The following XPO6 variants were observed in gnomAD, a reference collection of about 807,000 sequenced individuals.
XPO6 encodes exportin 6.
XPO6 carries 3 observed loss-of-function variants against 130.0 expected under a neutral mutation model. The observed-to-expected ratio is 0.02, with a 90% CI of 0.01 to 0.06. The LOEUF (loss-of-function observed/expected upper bound fraction) is 0.06, where lower values mean the gene tolerates loss of function less well. XPO6 is among the 10% of genes least tolerant of loss of function. XPO6 has a pLI of 1.00. For synonymous variants in XPO6, 524 were observed against 548.9 expected (o/e 0.95, Z 0.63); for missense variants, 970 against 1,393.0 (o/e 0.70, Z 4.83).
At chr16:28,147,922 G>A (rs1254832665) in intron 8 of XPO6, among the ~76,000 whole-genome samples, 2 of 152,158 alleles carry the variant, frequency 1.3e-5, no homozygotes, top group East Asian at 1.9e-4. Flanking sequence ...CTCCAGCCTG[G>A]ACAACAGAGC....
chr16:28,197,283 T>C (rs1172295531), intron 1 of XPO6, among the ~76,000 whole-genome samples: 1 of 152,178 alleles, frequency 6.6e-6, no homozygotes. Flanking sequence ...TACTACAGCT[T>C]TTTGAAAAGT....
intron 20 of XPO6, among the ~76,000 whole-genome samples, chr16:28,105,020 A>T (rs1288194545): frequency 6.6e-6 from 1 of 152,264 alleles, no homozygotes; most frequent in Non-Finnish European, 1.5e-5. Context: ...CTCAGCTTTT[A>T]CACTAGAAAA....
Position 28,211,459 on chromosome 16 carries a change from T to G in XPO6, c.-91A>C. ...AGTTCAGGTCATGGTCCCGGCAGACTCGGGAAGTCCCCCACCCATGCAAAG... is the reference window on the plus strand; with the variant it reads ...AGTTCAGGTCATGGTCCCGGCAGACGCGGGAAGTCCCCCACCCATGCAAAG... On this transcript the variant is annotated 5_prime_UTR_variant, in exon 1 of 24. Coordinates refer to ENST00000304658, the MANE Select transcript of XPO6 (RefSeq NM_015171.4). 3 of 1,281,476 alleles carry G rather than the reference T, an allele frequency of 2.3e-6. No homozygotes were observed. The highest frequency in any genetic ancestry group is 3.0e-6 in the Non-Finnish European group (3 of 1,001,300). 79.4% of individuals were successfully genotyped at this position (1,281,476 alleles called of 1,614,324 possible).
chr16:28,206,588 C>T (rs1313181133), intron 1 of XPO6, among the ~76,000 whole-genome samples: 1 of 152,066 alleles, frequency 6.6e-6, no homozygotes, highest in Non-Finnish European at 1.5e-5. Flanking sequence ...AAACCAATAA[C>T]AAAAACTCTG....
chr16:28,211,513 G>A lies in XPO6; in HGVS notation c.-145C>T. 1 of 1,019,960 alleles carries A rather than the reference G, an allele frequency of 9.8e-7. No individual in the cohort carries two copies. Among genetic ancestry groups the A allele is most frequent in the Non-Finnish European group, 1.3e-6 (1 of 779,388 alleles). The allele number at this position is 1,019,960 out of a possible 1,614,324, so 63.2% of individuals were successfully genotyped here. A position where few individuals can be genotyped will look rare whatever the true frequency, so the allele number is the denominator to read the frequency against. Reference sequence around the variant, plus strand: ...ACCCCTTCCCCACCGGGCCCCGAGGGGACCCTCTAAAAAGGGCAGGGCCGC... The same window carrying A: ...ACCCCTTCCCCACCGGGCCCCGAGGAGACCCTCTAAAAAGGGCAGGGCCGC... On this transcript the variant is annotated 5_prime_UTR_variant, in exon 1 of 24. Coordinates refer to ENST00000304658, the MANE Select transcript of XPO6 (RefSeq NM_015171.4).
chr16:28,177,112 G>A (rs1414887274), intron 3 of XPO6, 108 bp downstream of exon 3: 7 of 608,180 alleles, frequency 1.2e-5, no homozygotes, highest in Non-Finnish European at 1.6e-5. Context: ...ACATCCCAGA[G>A]CTGAGCTACC....
At chr16:28,176,579 G>C (rs2043537522) in intron 3 of XPO6, among the ~76,000 whole-genome samples, 1 of 151,442 alleles carries the variant, frequency 6.6e-6, no homozygotes, top group Non-Finnish European at 1.5e-5. Context: ...CTCACTGCAA[G>C]CTCCGCCTCC....
At position 28,106,079 on chromosome 16, in the gene XPO6, G is replaced by A; in HGVS notation, c.2748C>T (p.Ala916=). 2.5e-6 allele frequency: 4 copies of A among 1,614,174 alleles called. No homozygotes were observed. The highest frequency in any genetic ancestry group is 2.5e-6 in the Non-Finnish European group (3 of 1,180,006). The change falls in exon 20 of 24, where the codon GCC becomes GCT. Residue 916 remains alanine, a synonymous_variant. Transcript: ENST00000304658. The surrounding 1 kb of genome is among the most constrained non-coding windows in gnomAD (Gnocchi z 4.2). ...VFKPFLPSII[A]LCMEQVYPII... ...TGGGATACACTTGCTCCATGCACAG[G>A]GCGATGATGCTGGGGAGGAAGGGCT...
At chr16:28,202,190 C>T (rs930306290) in intron 1 of XPO6, among the ~76,000 whole-genome samples, 1 of 152,148 alleles carries the variant, frequency 6.6e-6, no homozygotes, top group Non-Finnish European at 1.5e-5. Context: ...ATAGATACTC[C>T]AAATAAATCA....
chr16:28,112,788 G>T, intron 16 of XPO6, 116 bp downstream of exon 16: 1 of 1,337,632 alleles, frequency 7.5e-7, no homozygotes, highest in Non-Finnish European at 1.0e-6. Context: ...ATCTGTCTAT[G>T]CTGGTACAGC....
At position 28,133,898 on chromosome 16, in the gene XPO6, G is replaced by A; in HGVS notation, c.1479C>T (p.Ser493=). ...CCATCACTTTGGCCACCACCTCCAA[G>A]CTCTGCCGTAAGTACCGCTGCCACT... ...QTEWQRYLRQ[S]LEVVAKVMEL... The change falls in exon 11 of 24, where the codon AGC becomes AGT. Residue 493 remains serine (S), a synonymous_variant. Transcript: ENST00000304658. 6.2e-7 allele frequency: 1 copy of A among 1,614,080 alleles called. No individual in the cohort carries two copies. Among genetic ancestry groups the A allele is most frequent in the Non-Finnish European group, 8.5e-7 (1 of 1,180,014 alleles).
At chr16:28,121,241 G>A (rs1238723453) in intron 14 of XPO6, among the ~76,000 whole-genome samples, 2 of 152,196 alleles carry the variant, frequency 1.3e-5, no homozygotes, top group Non-Finnish European at 2.9e-5. Context: ...TCTGAGAAAT[G>A]TGTTCCCCAA....
chr16:28,112,901 C>T lies in XPO6; in HGVS notation c.2151+3G>A. The T allele has an allele frequency of 6.2e-7, 1 of 1,612,816 alleles. No homozygotes were observed. The highest frequency in any genetic ancestry group is 1.3e-5 in the African/African-American group (1 of 75,054). ...GGACCCCGGGGGAGCTCTGGGGCCTCACCTTATCGACAAGTCGCAGGGCAG... is the reference window on the plus strand; with the variant it reads ...GGACCCCGGGGGAGCTCTGGGGCCTTACCTTATCGACAAGTCGCAGGGCAG... On this transcript the variant is annotated splice_donor_region_variant and intron_variant, in intron 16 of 23. Transcript: ENST00000304658.
intron 1 of XPO6, among the ~76,000 whole-genome samples, chr16:28,191,867 A>C (rs770863015): frequency 1.3e-5 from 2 of 152,238 alleles, no homozygotes; most frequent in Non-Finnish European, 2.9e-5. Context: ...GAGTAATTTC[A>C]TTTCAGCTGC....
chr16:28,105,080 C>T (rs8048569), intron 20 of XPO6, among the ~76,000 whole-genome samples: 8,176 of 152,272 alleles, frequency 0.054, 563 homozygotes, highest in East Asian at 0.17. Flanking sequence ...CTGTTCTATT[C>T]GACCTGTCAG....
chr16:28,177,229 T>A lies in XPO6; in HGVS notation c.198A>T (p.Thr66=), dbSNP rs763418583. 3.7e-6 allele frequency: 6 copies of A among 1,600,986 alleles called. No individual in the cohort carries two copies. The Admixed American group carries it at 1.0e-4, about 28-fold the overall frequency. ...RNDYVMMYSL[T]VFENLINKMW... ...ATTACTGACAACTTACCTCAAAAAC[T>A]GTTAAACTGTACATCATTACATAGT... is the stretch of plus-strand genomic sequence containing the variant. Residue 66 remains threonine (T), a synonymous_variant, in exon 3 of 24, where the codon ACA becomes ACT. Coordinates refer to ENST00000304658, the MANE Select transcript of XPO6 (RefSeq NM_015171.4).
chr16:28,105,986 T>C (rs1481224285), intron 20 of XPO6, 57 bp downstream of exon 20: 4 of 1,577,964 alleles, frequency 2.5e-6, no homozygotes, highest in Non-Finnish European at 3.5e-6. Context: ...TGAAATCTCA[T>C]TCCCTTCCCA....
Position 28,206,139 on chromosome 16 carries a change from T to TACACACAC in XPO6, c.3+5219_3+5226dup, listed in dbSNP as rs138219018. On this transcript the variant is annotated intron_variant, in intron 1 of 23. Transcript: ENST00000304658. ...AAGATGCCTGGCATATAGAAAGCAA[T>TACACACAC]ACACACACACACACACACACACACA... is the stretch of plus-strand genomic sequence containing the variant. Among the ~76,000 whole-genome samples, 644 of 142,838 alleles carry TACACACAC rather than the reference T, an allele frequency of 4.5e-3. 5 individuals carry two copies. Among genetic ancestry groups the TACACACAC allele is most frequent in the African/African-American group, 0.015 (604 of 39,466 alleles). The allele number at this position is 142,838 out of a possible 152,430, so 93.7% of individuals were successfully genotyped here.
chr16:28,101,316 G>A lies in XPO6; in HGVS notation c.3276+142C>T. On this transcript the variant is annotated intron_variant, in intron 23 of 23. Transcript: ENST00000304658. The surrounding 1 kb of genome is among the most constrained non-coding windows in gnomAD (Gnocchi z 5.4). ...TCAGGCTACAGCACCAGGTCAGCAG[G>A]CATCTCGTGAGCTGCCGCCAAGCTG... 1 of 734,280 alleles carries A rather than the reference G, an allele frequency of 1.4e-6. No homozygotes were observed. The highest frequency in any genetic ancestry group is 2.4e-6 in the Non-Finnish European group (1 of 411,604). The allele number at this position is 734,280 out of a possible 1,614,324, so 45.5% of individuals were successfully genotyped here. A position where few individuals can be genotyped will look rare whatever the true frequency, so the allele number is the denominator to read the frequency against.
Sources: allele counts gnomAD v4.1 joint callset (sites outside exome capture counted in the v4.1 genomes callset), GRCh38; gene constraint gnomAD v4.1.1; non-coding constraint Gnocchi (gnomAD v3.1); transcripts MANE v1.5; gene names NCBI Gene and HGNC (gene_info 2026-07-23, HGNC 2026-07-21).